FTO: variants seen among roughly 807,000 people sequenced by gnomAD.
FTO encodes alpha-ketoglutarate-dependent dioxygenase FTO.
Under a neutral mutation model 63.9 loss-of-function variants are expected in FTO, and 47 were observed. The ratio of observed to expected loss-of-function variants is 0.74; its 90% CI spans 0.58 to 0.94. FTO has a LOEUF of 0.94. Ranked by LOEUF, FTO falls within the 40% of genes least tolerant of loss-of-function variation. The pLI is 0.00. For synonymous variants in FTO, 207 were observed against 224.4 expected (o/e 0.92, Z 0.69); for missense variants, 562 against 618.1 (o/e 0.91, Z 0.96).
At chr16:54,012,375 A>G (rs1412522384) in intron 8 of FTO, among the ~76,000 whole-genome samples, 2 of 152,184 alleles carry the variant, frequency 1.3e-5, no homozygotes, top group African/African-American at 4.8e-5. Flanking sequence ...GTAGCAGAGG[A>G]TGGTTCATGA....
At chr16:53,866,245 T>G (rs1268611375) in intron 4 of FTO, among the ~76,000 whole-genome samples, 5 of 152,212 alleles carry the variant, frequency 3.3e-5, no homozygotes, top group Non-Finnish European at 7.4e-5. Context: ...GTGATAAATC[T>G]CACTTGGTCG....
intron 8 of FTO, among the ~76,000 whole-genome samples, chr16:53,967,697 C>T (rs776190554): frequency 1.1e-4 from 16 of 152,128 alleles, no homozygotes; most frequent in Admixed American, 5.9e-4. Flanking sequence ...AACTTTTTGT[C>T]GAGACTGTGG....
Position 54,105,771 on chromosome 16 carries a change from C to CTGTGTGTGTG in FTO, c.1365-5957_1365-5948dup, listed in dbSNP as rs57782663. Among the ~76,000 whole-genome samples, 34 of 138,074 alleles carry CTGTGTGTGTG rather than the reference C, an allele frequency of 2.5e-4. 1 individual carries two copies. The South Asian group carries it at 3.1e-3, about 13-fold the overall frequency. 90.6% of individuals were successfully genotyped at this position (138,074 alleles called of 152,430 possible). On this transcript the variant is annotated intron_variant, in intron 8 of 8. Transcript: ENST00000471389. ...TAATATTTCTCCATCAAGTTCTAGT[C>CTGTGTGTGTG]TGTGTGTGTGTGTGTGTGTGTGTGT...
chr16:53,756,792 C>T (rs774067502), intron 1 of FTO, among the ~76,000 whole-genome samples: 5 of 152,174 alleles, frequency 3.3e-5, no homozygotes, highest in Non-Finnish European at 7.3e-5. Flanking sequence ...CTTTTGTTCA[C>T]ATGAGTAGAA....
In FTO at chr16:53,719,079, A is replaced by G. The variant is rs114195167; in HGVS notation, c.45+14850A>G. 8.1e-3 allele frequency among the ~76,000 whole-genome samples: 1,229 copies of G among 151,662 alleles called. 14 individuals are homozygous for G. The highest frequency in any genetic ancestry group is 0.025 in the African/African-American group (1,021 of 41,304). ...GTAAAGTGAATAAAAATATTGAGAAACTCCTTTTTGTGCTTTCTTTTGTCA... is the reference window on the plus strand; with the variant it reads ...GTAAAGTGAATAAAAATATTGAGAAGCTCCTTTTTGTGCTTTCTTTTGTCA... On this transcript the variant is annotated intron_variant, in intron 1 of 8. Coordinates refer to ENST00000471389, the MANE Select transcript of FTO (RefSeq NM_001080432.3).
chr16:53,764,475 C>CAAAAAAAAAAAAA (rs56906281), intron 1 of FTO, among the ~76,000 whole-genome samples: 81 of 118,652 alleles, frequency 6.8e-4, no homozygotes, highest in East Asian at 2.3e-3. Context: ...ACTAAAAATA[C>CAAAAAAAAAAAAA]AAAAAAAAAA....
chr16:53,901,961 A>G (rs186805086), intron 7 of FTO, among the ~76,000 whole-genome samples: 3 of 152,292 alleles, frequency 2.0e-5, no homozygotes, highest in African/African-American at 7.2e-5. Flanking sequence ...ATAGTGACAT[A>G]GAGAAATGAT....
intron 8 of FTO, chr16:53,998,675 T>G (rs1438779917): frequency 6.6e-6 from 1 of 152,240 alleles, no homozygotes; most frequent in African/African-American, 2.4e-5. Flanking sequence ...TATTCTTATG[T>G]TCCTCATGGC....
chr16:54,103,321 G>A (rs1169245605), intron 8 of FTO, among the ~76,000 whole-genome samples: 1 of 152,132 alleles, frequency 6.6e-6, no homozygotes, highest in Admixed American at 6.5e-5. Context: ...GAAGCGTGAG[G>A]CCCAAAAGTA....
intron 4 of FTO, among the ~76,000 whole-genome samples, chr16:53,866,254 C>T (rs1466207908): frequency 6.6e-6 from 1 of 151,898 alleles, no homozygotes; most frequent in Non-Finnish European, 1.5e-5. Flanking sequence ...CTCACTTGGT[C>T]GTGGTGTAAT....
intron 8 of FTO, among the ~76,000 whole-genome samples, chr16:54,065,442 G>A (rs1156388361): frequency 6.6e-6 from 1 of 152,110 alleles, no homozygotes; most frequent in Non-Finnish European, 1.5e-5. Flanking sequence ...GTGATTGCAG[G>A]TGTGCACCAC....
At chr16:54,049,788 G>A (rs1449753081) in intron 8 of FTO, among the ~76,000 whole-genome samples, 2 of 152,182 alleles carry the variant, frequency 1.3e-5, no homozygotes, top group African/African-American at 2.4e-5. Context: ...GCCCATTCAT[G>A]GGCTCTTTTC....
Position 54,116,541 on chromosome 16 carries a change from A to G in FTO, c.*4626A>G, listed in dbSNP as rs1309108817. On this transcript the variant is annotated 3_prime_UTR_variant, in exon 9 of 9. Coordinates refer to ENST00000471389, the MANE Select transcript of FTO (RefSeq NM_001080432.3). ...TCGCGGTGGTGAAATCAATTTGACA[A>G]CCATAAAGGGGAGAGACGGCACAGG... 6.6e-6 allele frequency: 1 copy of G among 152,094 alleles called. No homozygotes were observed. The highest frequency in any genetic ancestry group is 2.4e-5 in the African/African-American group (1 of 41,398). The allele number at this position is 152,094 out of a possible 1,614,324, so 9.4% of individuals were successfully genotyped here. A position where few individuals can be genotyped will look rare whatever the true frequency, so the allele number is the denominator to read the frequency against.
intron 8 of FTO, among the ~76,000 whole-genome samples, chr16:53,936,878 TAA>T (rs1215394051): frequency 1.3e-5 from 2 of 152,210 alleles, no homozygotes; most frequent in African/African-American, 4.8e-5. Flanking sequence ...AACTTTAGTA[TAA>T]GTCTTTTGTA....
intron 8 of FTO, among the ~76,000 whole-genome samples, chr16:54,019,712 G>A (rs2144137294): frequency 6.6e-6 from 1 of 152,244 alleles, no homozygotes; most frequent in Middle Eastern, 3.4e-3. Context: ...TCTGTTTGGT[G>A]GAGATTTGAC....
At chr16:53,863,381 G>A (rs1291526228) in intron 4 of FTO, among the ~76,000 whole-genome samples, 2 of 152,214 alleles carry the variant, frequency 1.3e-5, no homozygotes, top group Non-Finnish European at 2.9e-5. Context: ...TGAGAGATTA[G>A]TATGGATTCC....
intron 8 of FTO, among the ~76,000 whole-genome samples, chr16:54,086,896 A>G (rs763152781): frequency 2.0e-5 from 3 of 152,242 alleles, no homozygotes; most frequent in Non-Finnish European, 4.4e-5. Context: ...AAGACCCTCC[A>G]CGTCCCAAAG....
At chr16:53,797,155 A>G (rs566345625) in intron 1 of FTO, among the ~76,000 whole-genome samples, 32 of 152,208 alleles carry the variant, frequency 2.1e-4, no homozygotes, top group Non-Finnish European at 3.7e-4. Context: ...GAGATTTCCC[A>G]TATACTCCCT....
chr16:53,713,717 T>C (rs931389398), intron 1 of FTO, among the ~76,000 whole-genome samples: 1 of 152,186 alleles, frequency 6.6e-6, no homozygotes, highest in Non-Finnish European at 1.5e-5. Flanking sequence ...TTTAAAAAAA[T>C]GTATTTTATT....
Sources: gnomAD v4.1 joint callset for allele counts (sites outside exome capture counted in the v4.1 genomes callset) on GRCh38, gnomAD v4.1.1 for gene constraint, MANE v1.5 for transcripts, NCBI Gene and HGNC (gene_info 2026-07-23, HGNC 2026-07-21) for gene names.